The following MYO1D variants were observed in gnomAD, a reference collection of about 807,000 sequenced individuals.
MYO1D encodes unconventional myosin-Id.
Under a neutral mutation model 122.0 loss-of-function variants are expected in MYO1D, and 83 were observed. That is an observed-to-expected ratio of 0.68 (90% confidence interval 0.57 to 0.82). MYO1D has a LOEUF of 0.82. Ranked by LOEUF, MYO1D falls within the 40% of genes least tolerant of loss-of-function variation. The pLI, the probability that MYO1D is intolerant of heterozygous loss-of-function variation, is 0.00. For missense variants in MYO1D, 1,157 were observed against 1,269.5 expected (o/e 0.91, Z 1.35); for synonymous variants, 464 against 446.9 (o/e 1.04, Z -0.48).
intron 19 of MYO1D, among the ~76,000 whole-genome samples, chr17:32,643,516 AC>A (rs1456528920): frequency 5.9e-5 from 9 of 152,120 alleles, no homozygotes; most frequent in African/African-American, 1.9e-4. Flanking sequence ...TCCTCCTTCT[AC>A]CTCTGGTAGC....
At chr17:32,538,848 A>G (rs531737414) in intron 21 of MYO1D, among the ~76,000 whole-genome samples, 44 of 152,314 alleles carry the variant, frequency 2.9e-4, no homozygotes, top group African/African-American at 1.0e-3. Context: ...ACACAGGAAC[A>G]GAAAACCAAA....
intron 16 of MYO1D, among the ~76,000 whole-genome samples, chr17:32,697,355 G>A (rs2089186112): frequency 6.6e-6 from 1 of 152,176 alleles, no homozygotes; most frequent in African/African-American, 2.4e-5. Flanking sequence ...AAAATACGGA[G>A]TCAATGGCCA....
chr17:32,566,825 T>G (rs1225638032), intron 21 of MYO1D, among the ~76,000 whole-genome samples: 1 of 56,716 alleles, frequency 1.8e-5, no homozygotes, highest in East Asian at 7.6e-4. Flanking sequence ...CTTTGGTCTT[T>G]CTCTTTTAAG....
intron 21 of MYO1D, among the ~76,000 whole-genome samples, chr17:32,589,762 T>A (rs1280672618): frequency 2.0e-5 from 3 of 152,202 alleles, no homozygotes; most frequent in African/African-American, 7.2e-5. Context: ...ATTCTAGGGA[T>A]TTTTATTGCT....
intron 16 of MYO1D, among the ~76,000 whole-genome samples, chr17:32,665,280 C>G (rs560670306): frequency 6.6e-6 from 1 of 152,048 alleles, no homozygotes; most frequent in African/African-American, 2.4e-5. Context: ...GCACTCAATC[C>G]CTTCCAACAT....
intron 1 of MYO1D, among the ~76,000 whole-genome samples, chr17:32,867,877 G>GCTAT (rs2091142475): frequency 6.7e-6 from 1 of 149,070 alleles, no homozygotes; most frequent in African/African-American, 2.5e-5. Context: ...AAAACATATA[G>GCTAT]GGTCTATAGA....
At chr17:32,852,134 AG>A (rs1375418968) in intron 1 of MYO1D, among the ~76,000 whole-genome samples, 1 of 152,074 alleles carries the variant, frequency 6.6e-6, no homozygotes, top group Admixed American at 6.6e-5. Flanking sequence ...TGAAATGTAA[AG>A]TTTTTTTTGT....
intron 14 of MYO1D, among the ~76,000 whole-genome samples, chr17:32,732,957 T>C (rs2089657999): frequency 6.6e-6 from 1 of 152,240 alleles, no homozygotes; most frequent in African/African-American, 2.4e-5. Context: ...TGGAAGCTGC[T>C]TGCAGTATGC....
chr17:32,684,317 C>T (rs1388527241), intron 16 of MYO1D: 6 of 152,284 alleles, frequency 3.9e-5, no homozygotes, highest in African/African-American at 1.4e-4. Context: ...CCTCTGAATG[C>T]TTGCCTCGCT....
chr17:32,743,648 C>T (rs2089797400), intron 13 of MYO1D, among the ~76,000 whole-genome samples: 1 of 151,110 alleles, frequency 6.6e-6, no homozygotes. Context: ...GACAGAGTCT[C>T]ACTCTGTCGC....
chr17:32,732,871 G>C (rs2089656973), intron 14 of MYO1D, among the ~76,000 whole-genome samples: 1 of 152,252 alleles, frequency 6.6e-6, no homozygotes. Context: ...AGCCAGGGCT[G>C]ATATACTCTT....
chr17:32,526,827 T>G (rs1429875767), intron 21 of MYO1D, among the ~76,000 whole-genome samples: 1 of 152,204 alleles, frequency 6.6e-6, no homozygotes, highest in African/African-American at 2.4e-5. Flanking sequence ...CAAGGCATAG[T>G]TATTCTTGAC....
chr17:32,501,670 G>A (rs1050562424), intron 21 of MYO1D, among the ~76,000 whole-genome samples: 4 of 152,248 alleles, frequency 2.6e-5, no homozygotes, highest in Admixed American at 6.5e-5. Flanking sequence ...CACGTACCGG[G>A]AGGCATCCCA....
At chr17:32,703,627 A>G (rs2089273788) in intron 16 of MYO1D, among the ~76,000 whole-genome samples, 1 of 152,118 alleles carries the variant, frequency 6.6e-6, no homozygotes, top group Non-Finnish European at 1.5e-5. Flanking sequence ...ATGAGAACAT[A>G]ACTATAAACT....
intron 19 of MYO1D, among the ~76,000 whole-genome samples, chr17:32,643,924 G>T (rs1445216337): frequency 6.6e-6 from 1 of 152,058 alleles, no homozygotes; most frequent in Non-Finnish European, 1.5e-5. Context: ...ATCTCCTTCA[G>T]TTCTGCTCTT....
intron 1 of MYO1D, among the ~76,000 whole-genome samples, chr17:32,802,066 C>G (rs1232335979): frequency 6.6e-6 from 1 of 152,204 alleles, no homozygotes; most frequent in Non-Finnish European, 1.5e-5. Flanking sequence ...CCCTGACCAG[C>G]CTTCTAGGAG....
At chr17:32,524,811 T>A (rs1238729126) in intron 21 of MYO1D, among the ~76,000 whole-genome samples, 1 of 152,190 alleles carries the variant, frequency 6.6e-6, no homozygotes, top group Non-Finnish European at 1.5e-5. Flanking sequence ...TTCACCCACC[T>A]TGGCCTCCCA....
At chr17:32,599,777 C>A (rs2087541029) in intron 21 of MYO1D, among the ~76,000 whole-genome samples, 1 of 152,146 alleles carries the variant, frequency 6.6e-6, no homozygotes, top group African/African-American at 2.4e-5. Flanking sequence ...CTCAGCATCC[C>A]AAGTAGCTGG....
At chr17:32,600,619 C>T (rs1426600334) in intron 21 of MYO1D, among the ~76,000 whole-genome samples, 1 of 152,208 alleles carries the variant, frequency 6.6e-6, no homozygotes, top group Non-Finnish European at 1.5e-5. Flanking sequence ...TTAGCTTCCA[C>T]TTTTCGTCTG....
Sources: gnomAD v4.1 joint callset for allele counts (sites outside exome capture counted in the v4.1 genomes callset) on GRCh38, gnomAD v4.1.1 for gene constraint, MANE v1.5 for transcripts, NCBI Gene and HGNC (gene_info 2026-07-23, HGNC 2026-07-21) for gene names.